LRMDA: variants seen among roughly 807,000 people sequenced by gnomAD.
LRMDA encodes the protein leucine rich melanocyte differentiation associated.
In LRMDA, 18 loss-of-function variants were observed where a neutral mutation model predicts 29.8. The ratio of observed to expected loss-of-function variants is 0.60; its 90% CI spans 0.42 to 0.90. The LOEUF (loss-of-function observed/expected upper bound fraction) is 0.90, where lower values mean the gene tolerates loss of function less well. Ranked by LOEUF, LRMDA falls within the 40% of genes least tolerant of loss-of-function variation. The probability of loss-of-function intolerance (pLI) is 0.00; values close to 1 mark genes in which losing one functional copy is unlikely to be tolerated. For missense variants in LRMDA, 273 were observed against 273.9 expected (o/e 1.00, Z 0.02); for synonymous variants, 125 against 109.4 (o/e 1.14, Z -0.89).
chr10:75,654,329 A>T (rs542201429), intron 2 of LRMDA, among the ~76,000 whole-genome samples: 2 of 152,306 alleles, frequency 1.3e-5, no homozygotes, highest in East Asian at 3.9e-4. Context: ...GAGGGTGACT[A>T]AGATAATGCT....
intron 2 of LRMDA, among the ~76,000 whole-genome samples, chr10:75,499,218 A>G (rs1845084301): frequency 6.6e-6 from 1 of 152,180 alleles, no homozygotes; most frequent in Admixed American, 6.5e-5. Context: ...TTTCTAACTC[A>G]AAAGTCTTCT....
chr10:76,448,171 G>T (rs1457521279), intron 6 of LRMDA, among the ~76,000 whole-genome samples: 1 of 151,968 alleles, frequency 6.6e-6, no homozygotes, highest in East Asian at 1.9e-4. Context: ...TCAGTGTGTT[G>T]TCATCTATAT....
At chr10:76,350,544 G>A (rs1841163367) in intron 6 of LRMDA, among the ~76,000 whole-genome samples, 1 of 151,796 alleles carries the variant, frequency 6.6e-6, no homozygotes, top group Non-Finnish European at 1.5e-5. Flanking sequence ...CAGGAGTCGG[G>A]GATTATGGAT....
At chr10:75,475,443 C>T (rs1844778985) in intron 2 of LRMDA, among the ~76,000 whole-genome samples, 1 of 152,104 alleles carries the variant, frequency 6.6e-6, no homozygotes, top group African/African-American at 2.4e-5. Context: ...ATTTTCCTAA[C>T]CAGTGTGTTG....
At chr10:75,987,116 T>C (rs1300326064) in intron 2 of LRMDA, among the ~76,000 whole-genome samples, 1 of 152,210 alleles carries the variant, frequency 6.6e-6, no homozygotes, top group Admixed American at 6.5e-5. Context: ...CTTCAGTAGG[T>C]CACTATGTCT....
In LRMDA at chr10:75,994,081, A is replaced by G. The variant is rs75608251; in HGVS notation, c.132-41927A>G. 5.0e-3 allele frequency among the ~76,000 whole-genome samples: 758 copies of G among 152,320 alleles called. 4 individuals are homozygous for G. Among genetic ancestry groups the G allele is most frequent in the Non-Finnish European group, 9.2e-3 (629 of 68,032 alleles). On this transcript the variant is annotated intron_variant, in intron 2 of 6. Transcript: ENST00000611255. Reference sequence around the variant, plus strand: ...CCTATCTATTCTTTGTCTGTCATGAACAGTTCTCCAAATCTTTATTCACCC... The same window carrying G: ...CCTATCTATTCTTTGTCTGTCATGAGCAGTTCTCCAAATCTTTATTCACCC...
intron 6 of LRMDA, among the ~76,000 whole-genome samples, chr10:76,428,337 T>C (rs2132280342): frequency 6.6e-6 from 1 of 152,298 alleles, no homozygotes; most frequent in African/African-American, 2.4e-5. Context: ...CCCTGTTAAG[T>C]AGACTAGGTG....
chr10:75,741,771 G>A (rs1182593912), intron 2 of LRMDA, among the ~76,000 whole-genome samples: 1 of 152,100 alleles, frequency 6.6e-6, no homozygotes, highest in Non-Finnish European at 1.5e-5. Flanking sequence ...AGCACCTGCC[G>A]CACAGCCAAC....
chr10:76,486,898 G>C (rs906635814), intron 6 of LRMDA, among the ~76,000 whole-genome samples: 4 of 151,912 alleles, frequency 2.6e-5, no homozygotes, highest in African/African-American at 9.7e-5. Flanking sequence ...GAAGGGAAAA[G>C]TGAATATTCT....
At chr10:76,081,303 C>T (rs898515686) in intron 5 of LRMDA, among the ~76,000 whole-genome samples, 1 of 152,054 alleles carries the variant, frequency 6.6e-6, no homozygotes, top group Non-Finnish European at 1.5e-5. Flanking sequence ...TGGCAAAATC[C>T]TATCTATAAA....
At chr10:75,768,154 A>T (rs1210151823) in intron 2 of LRMDA, among the ~76,000 whole-genome samples, 1 of 152,202 alleles carries the variant, frequency 6.6e-6, no homozygotes, top group African/African-American at 2.4e-5. Flanking sequence ...CATTTGTTGT[A>T]ACAGCCATGG....
chr10:75,809,642 T>TCAAAAA (rs1843921377), intron 2 of LRMDA, among the ~76,000 whole-genome samples: 1 of 152,090 alleles, frequency 6.6e-6, no homozygotes, highest in South Asian at 2.1e-4. Context: ...AGACTCTGTT[T>TCAAAAA]CAAAAACAAA....
chr10:76,108,285 C>T (rs988523493), intron 5 of LRMDA, among the ~76,000 whole-genome samples: 41 of 152,110 alleles, frequency 2.7e-4, no homozygotes, highest in Non-Finnish European at 1.8e-4. Flanking sequence ...TACCCTCGGC[C>T]CAACTCTGCT....
At chr10:76,277,246 G>A (rs1477410892) in intron 5 of LRMDA, among the ~76,000 whole-genome samples, 4 of 152,112 alleles carry the variant, frequency 2.6e-5, no homozygotes, top group Admixed American at 2.0e-4. Flanking sequence ...TTGGGGAAAA[G>A]CCACATTAAA....
intron 5 of LRMDA, among the ~76,000 whole-genome samples, chr10:76,178,146 G>A (rs1311546081): frequency 6.6e-6 from 1 of 152,206 alleles, no homozygotes; most frequent in East Asian, 1.9e-4. Context: ...TACAAAGCCA[G>A]TGGCCCTTGC....
At chr10:75,959,527 AC>A (rs1846725261) in intron 2 of LRMDA, among the ~76,000 whole-genome samples, 1 of 151,686 alleles carries the variant, frequency 6.6e-6, no homozygotes, top group Admixed American at 6.6e-5. Context: ...GCACACACAC[AC>A]ACACACACAT....
chr10:76,015,275 A>G (rs993661232), intron 2 of LRMDA, among the ~76,000 whole-genome samples: 2 of 152,212 alleles, frequency 1.3e-5, no homozygotes, highest in African/African-American at 2.4e-5. Context: ...GCTGAACCCA[A>G]GGTCTCTCAC....
intron 6 of LRMDA, among the ~76,000 whole-genome samples, chr10:76,380,687 AAAAAG>A (rs1841579877): frequency 6.6e-6 from 1 of 151,226 alleles, no homozygotes; most frequent in Non-Finnish European, 1.5e-5. Flanking sequence ...AAAAAAAAAA[AAAAAG>A]AGGAATATAC....
chr10:76,554,504 C>T lies in LRMDA; in HGVS notation c.602-2705C>T, dbSNP rs1843530794. Among the ~76,000 whole-genome samples, 2 of 152,308 alleles carry T rather than the reference C, an allele frequency of 1.3e-5. 1 individual carries two copies. Among genetic ancestry groups the T allele is most frequent in the Admixed American group, 1.3e-4 (2 of 15,306 alleles). On this transcript the variant is annotated intron_variant, in intron 6 of 6. Transcript: ENST00000611255. ...GAGATCATTGACAATATTAATACCTCATGTCCTTGCCTCATTTTCCAAGTG... is the reference window on the plus strand; with the variant it reads ...GAGATCATTGACAATATTAATACCTTATGTCCTTGCCTCATTTTCCAAGTG...
Sources: gnomAD v4.1 joint callset for allele counts (sites outside exome capture counted in the v4.1 genomes callset) on GRCh38, gnomAD v4.1.1 for gene constraint, MANE v1.5 for transcripts, NCBI Gene and HGNC (gene_info 2026-07-23, HGNC 2026-07-21) for gene names.